The following ELOVL6 variants were observed in gnomAD, a reference collection of about 807,000 sequenced individuals.
ELOVL6 encodes the protein ELOVL fatty acid elongase 6, also known as very long chain fatty acid elongase 6.
A neutral mutation model predicts 31.7 loss-of-function variants in ELOVL6; 8 were observed. The ratio of observed to expected loss-of-function variants is 0.25; its 90% CI spans 0.15 to 0.45. The LOEUF is 0.45. ELOVL6 is among the 20% of genes least tolerant of loss of function. The pLI is 1.00. For synonymous variants in ELOVL6, 101 were observed against 117.7 expected (o/e 0.86, Z 0.92); for missense variants, 126 against 326.4 (o/e 0.39, Z 4.73).
At chr4:110,096,705 A>C (rs1366196501) in intron 2 of ELOVL6, among the ~76,000 whole-genome samples, 1 of 152,090 alleles carries the variant, frequency 6.6e-6, no homozygotes, top group East Asian at 1.9e-4. Context: ...AGAGTGTATA[A>C]AGGGTAACGG....
intron 1 of ELOVL6, among the ~76,000 whole-genome samples, chr4:110,163,302 C>T (rs1177417813): frequency 6.6e-6 from 1 of 152,114 alleles, no homozygotes; most frequent in East Asian, 1.9e-4. Flanking sequence ...TTTCCCTGAC[C>T]CCCTAGCTAA....
intron 1 of ELOVL6, among the ~76,000 whole-genome samples, chr4:110,158,895 AG>A (rs1308745889): frequency 6.6e-6 from 1 of 151,968 alleles, no homozygotes; most frequent in East Asian, 1.9e-4. Context: ...TCCTGACCTC[AG>A]GTGATCCGCC....
intron 1 of ELOVL6, among the ~76,000 whole-genome samples, chr4:110,183,212 T>C (rs1759342127): frequency 6.6e-6 from 1 of 152,236 alleles, no homozygotes; most frequent in African/African-American, 2.4e-5. Flanking sequence ...GAACCTTATG[T>C]AGAACCACAA....
intron 1 of ELOVL6, among the ~76,000 whole-genome samples, chr4:110,134,004 G>T (rs985272077): frequency 6.6e-6 from 1 of 152,122 alleles, no homozygotes; most frequent in Admixed American, 6.5e-5. Context: ...CCATTCATTC[G>T]TTCAACAAAT....
At chr4:110,072,549 CTT>C (rs1755522232) in intron 2 of ELOVL6, among the ~76,000 whole-genome samples, 1 of 152,070 alleles carries the variant, frequency 6.6e-6, no homozygotes, top group Non-Finnish European at 1.5e-5. Context: ...CTAGTAGGCT[CTT>C]TAGTTGCAAG....
At chr4:110,073,426 T>C (rs1269134493) in intron 2 of ELOVL6, among the ~76,000 whole-genome samples, 1 of 152,220 alleles carries the variant, frequency 6.6e-6, no homozygotes, top group African/African-American at 2.4e-5. Flanking sequence ...GCCTGTGGAA[T>C]AACCTTGGGC....
intron 1 of ELOVL6, among the ~76,000 whole-genome samples, chr4:110,106,458 G>A (rs771082580): frequency 1.3e-5 from 2 of 152,106 alleles, no homozygotes; most frequent in Admixed American, 6.6e-5. Flanking sequence ...GGAAAGGGGC[G>A]GGGATTTCCC....
chr4:110,105,442 CT>C, intron 2 of ELOVL6, 54 bp downstream of exon 2: 1 of 1,507,298 alleles, frequency 6.6e-7, no homozygotes, highest in Non-Finnish European at 9.0e-7. Flanking sequence ...TCATTGCATT[CT>C]TTCAGCAAGT....
rs149454678 is a variant in ELOVL6, at chr4:110,116,483, A to C, written c.90-10855T>G. 5.0e-3 allele frequency among the ~76,000 whole-genome samples: 769 copies of C among 152,344 alleles called. 3 individuals are homozygous for C. Among genetic ancestry groups the C allele is most frequent in the Non-Finnish European group, 8.9e-3 (605 of 68,026 alleles). ...TAACATGTGACTCACAAATATCAGC[A>C]TCTGAACTCTTAGTAGCACATGACT... On this transcript the variant is annotated intron_variant, in intron 1 of 3. Transcript: ENST00000302274.
At chr4:110,083,054 TTCTC>T (rs987620826) in intron 2 of ELOVL6, among the ~76,000 whole-genome samples, 1 of 151,754 alleles carries the variant, frequency 6.6e-6, no homozygotes, top group African/African-American at 2.4e-5. Context: ...ATTAGGTTGT[TTCTC>T]TCTGGGTTTA....
chr4:110,053,984 C>T (rs1286974616), intron 3 of ELOVL6, among the ~76,000 whole-genome samples: 5 of 151,940 alleles, frequency 3.3e-5, no homozygotes, highest in Non-Finnish European at 7.4e-5. Context: ...CCTGTAATCC[C>T]AGCTACTCAG....
intron 2 of ELOVL6, among the ~76,000 whole-genome samples, chr4:110,080,343 T>A (rs1755798870): frequency 6.6e-6 from 1 of 152,192 alleles, no homozygotes; most frequent in Admixed American, 6.5e-5. Flanking sequence ...AAATCCTCAA[T>A]AAAATACTGG....
intron 1 of ELOVL6, among the ~76,000 whole-genome samples, chr4:110,173,253 G>A (rs1447603551): frequency 3.3e-5 from 5 of 152,104 alleles, no homozygotes; most frequent in South Asian, 2.1e-4. Flanking sequence ...ACAGAAGTAG[G>A]CAGTAATGGG....
chr4:110,119,426 C>T (rs1757278286), intron 1 of ELOVL6, among the ~76,000 whole-genome samples: 1 of 152,182 alleles, frequency 6.6e-6, no homozygotes, highest in African/African-American at 2.4e-5. Context: ...ACTCACAGGC[C>T]TTTGCTCCCC....
chr4:110,059,475 A>G (rs565336328), intron 3 of ELOVL6, 128 bp downstream of exon 3: 15 of 958,640 alleles, frequency 1.6e-5, no homozygotes, highest in African/African-American at 1.5e-4. Context: ...CAAGAACTCA[A>G]ATTCATTCAT....
chr4:110,103,932 C>A (rs1178004639), intron 2 of ELOVL6, among the ~76,000 whole-genome samples: 1 of 152,096 alleles, frequency 6.6e-6, no homozygotes, highest in East Asian at 1.9e-4. Context: ...GAGTACTTAA[C>A]CTTTAGCCAT....
intron 1 of ELOVL6, among the ~76,000 whole-genome samples, chr4:110,149,617 A>T (rs2126264765): frequency 6.6e-6 from 1 of 152,298 alleles, no homozygotes; most frequent in East Asian, 1.9e-4. Flanking sequence ...GAAGACTTGG[A>T]GGCATGGGGT....
chr4:110,069,066 G>A (rs548756155), intron 2 of ELOVL6, among the ~76,000 whole-genome samples: 1 of 151,550 alleles, frequency 6.6e-6, no homozygotes, highest in African/African-American at 2.4e-5. Flanking sequence ...GGAGGCAGAG[G>A]TTGCAGAGAG....
chr4:110,062,169 T>G (rs1203374286), intron 2 of ELOVL6, among the ~76,000 whole-genome samples: 2 of 152,150 alleles, frequency 1.3e-5, no homozygotes, highest in Non-Finnish European at 2.9e-5. Flanking sequence ...GGCTAGGGTA[T>G]GGGGAGGTCA....
Sources: gnomAD v4.1 joint callset for allele counts (sites outside exome capture counted in the v4.1 genomes callset) on GRCh38, gnomAD v4.1.1 for gene constraint, MANE v1.5 for transcripts, NCBI Gene and HGNC (gene_info 2026-07-23, HGNC 2026-07-21) for gene names.